PDIA5: variants seen among roughly 807,000 people sequenced by gnomAD.
PDIA5 encodes the protein protein disulfide-isomerase A5.
PDIA5 carries 58 observed loss-of-function variants against 77.6 expected under a neutral mutation model. That is an observed-to-expected ratio of 0.75 (90% CI 0.61 to 0.93). The LOEUF (loss-of-function observed/expected upper bound fraction) is 0.93, where lower values mean the gene tolerates loss of function less well. Among genes scored for constraint, PDIA5 ranks in the 40% least tolerant of loss-of-function variants. The probability of loss-of-function intolerance (pLI) is 0.00; values close to 1 mark genes in which losing one functional copy is unlikely to be tolerated. For missense variants in PDIA5, 630 were observed against 647.7 expected (o/e 0.97, Z 0.30); for synonymous variants, 250 against 252.1 (o/e 0.99, Z 0.08).
intron 6 of PDIA5, 94 bp from the exon 7 acceptor site, chr3:123,110,850 C>T: frequency 1.9e-6 from 2 of 1,031,610 alleles, no homozygotes; most frequent in Non-Finnish European, 3.1e-6. Flanking sequence ...CATCCCTACC[C>T]TTCACCCTGC....
At chr3:123,090,833 C>T (rs1934265971) in intron 2 of PDIA5, among the ~76,000 whole-genome samples, 1 of 152,160 alleles carries the variant, frequency 6.6e-6, no homozygotes, top group South Asian at 2.1e-4. Flanking sequence ...TGGTGCTTCC[C>T]ACTTGTCAGC....
chr3:123,151,979 TCCTTCCTG>T (rs1469045927), intron 14 of PDIA5, among the ~76,000 whole-genome samples: 2 of 120,190 alleles, frequency 1.7e-5, no homozygotes, highest in African/African-American at 8.9e-5. Context: ...CTTCCTGCCT[TCCTTCCTG>T]CCTTCCTGCC....
Position 123,146,083 on chromosome 3 carries a change from C to T in PDIA5, c.982-16C>T. On this transcript the variant is annotated splice_polypyrimidine_tract_variant and intron_variant, in intron 12 of 16. Transcript: ENST00000316218. The stretch of plus-strand genomic sequence containing the variant: ...TCTGAGGCTGTAATGCATGGTTGGC[C>T]TTTCCCCCATCCCAGAGCTCTGGTG... 2 of 1,613,292 alleles carry T rather than the reference C, an allele frequency of 1.2e-6. No individual in the cohort carries two copies. The highest frequency in any genetic ancestry group is 1.7e-6 in the Non-Finnish European group (2 of 1,179,502).
intron 6 of PDIA5, among the ~76,000 whole-genome samples, chr3:123,110,556 T>G (rs1934836225): frequency 1.3e-5 from 2 of 152,104 alleles, no homozygotes; most frequent in Admixed American, 1.3e-4. Flanking sequence ...GGCAGCCTAT[T>G]CAACAGCCTC....
chr3:123,078,229 CGCAAT>C (rs1933907074), intron 1 of PDIA5, among the ~76,000 whole-genome samples: 1 of 152,172 alleles, frequency 6.6e-6, no homozygotes, highest in Non-Finnish European at 1.5e-5. Context: ...AACCAAACCA[CGCAAT>C]GTCACATGAA....
chr3:123,118,776 A>G (rs1157086462), intron 8 of PDIA5, among the ~76,000 whole-genome samples: 2 of 152,206 alleles, frequency 1.3e-5, no homozygotes, highest in African/African-American at 4.8e-5. Context: ...ATGCCGATGA[A>G]TGAATAGGGT....
At chr3:123,085,919 C>T (rs1934126057) in intron 1 of PDIA5, among the ~76,000 whole-genome samples, 3 of 152,104 alleles carry the variant, frequency 2.0e-5, no homozygotes, top group South Asian at 2.1e-4. Flanking sequence ...GTCTGAAGTC[C>T]GTTAGCTCCC....
At chr3:123,117,931 A>G (rs1444841491) in intron 8 of PDIA5, among the ~76,000 whole-genome samples, 1 of 152,210 alleles carries the variant, frequency 6.6e-6, no homozygotes, top group African/African-American at 2.4e-5. Flanking sequence ...AAATCCATCC[A>G]TCTTTCATGA....
Position 123,067,154 on chromosome 3 carries a change from G to A in PDIA5, c.-11G>A. The A allele has an allele frequency of 8.0e-7, 1 of 1,246,856 alleles. No individual in the cohort carries two copies. Among genetic ancestry groups the A allele is most frequent in the Non-Finnish European group, 1.0e-6 (1 of 991,388 alleles). 77.2% of individuals were successfully genotyped at this position (1,246,856 alleles called of 1,614,324 possible). On this transcript the variant is annotated 5_prime_UTR_variant, in exon 1 of 17. Coordinates refer to ENST00000316218, the MANE Select transcript of PDIA5 (RefSeq NM_006810.4). ...TGGAGAAAGGAGCCAGCGGTGGGCA[G>A]CGCTGCTGGGATGGCGCGGGCCGGG...
intron 7 of PDIA5, 91 bp downstream of exon 7, chr3:123,111,095 AT>A: frequency 1.1e-6 from 1 of 874,534 alleles, no homozygotes; most frequent in Non-Finnish European, 1.9e-6. Context: ...GGTCTGGGGG[AT>A]TAGCCTGGGT....
At chr3:123,088,320 T>A (rs1934194126) in intron 1 of PDIA5, among the ~76,000 whole-genome samples, 1 of 152,068 alleles carries the variant, frequency 6.6e-6, no homozygotes, top group African/African-American at 2.4e-5. Context: ...GTTCCCGAAG[T>A]TTTCCAGGGT....
At chr3:123,128,992 T>C (rs1359349141) in intron 10 of PDIA5, among the ~76,000 whole-genome samples, 1 of 152,228 alleles carries the variant, frequency 6.6e-6, no homozygotes, top group Non-Finnish European at 1.5e-5. Flanking sequence ...AACATCATTC[T>C]TTGCAGTGCT....
intron 7 of PDIA5, among the ~76,000 whole-genome samples, chr3:123,112,345 T>C (rs1288266958): frequency 6.6e-6 from 1 of 151,258 alleles, no homozygotes; most frequent in African/African-American, 2.4e-5. Flanking sequence ...CAAACCAGAG[T>C]TCTGTTTGCT....
chr3:123,145,724 C>A, intron 12 of PDIA5, 132 bp downstream of exon 12: 1 of 703,798 alleles, frequency 1.4e-6, no homozygotes, highest in Admixed American at 2.3e-5. Context: ...CCTCTGTGTG[C>A]CCAAGTAGAA....
chr3:123,070,038 T>G (rs1486132516), intron 1 of PDIA5, among the ~76,000 whole-genome samples: 1 of 147,700 alleles, frequency 6.8e-6, no homozygotes, highest in African/African-American at 2.5e-5. Flanking sequence ...TGCAGTGGGC[T>G]GAGATCGCGC....
intron 10 of PDIA5, among the ~76,000 whole-genome samples, chr3:123,124,673 A>G (rs903714726): frequency 6.6e-6 from 1 of 152,198 alleles, no homozygotes; most frequent in Non-Finnish European, 1.5e-5. Context: ...CTCTTCTGGA[A>G]TAGTCAGGGC....
In PDIA5 at chr3:123,102,469, A is replaced by G. The variant is rs551773015; in HGVS notation, c.316A>G (p.Lys106Glu). 29 of 1,613,674 alleles carry G rather than the reference A, an allele frequency of 1.8e-5. No individual in the cohort carries two copies. The South Asian group carries it at 3.0e-4, about 16-fold the overall frequency. Reference protein sequence around the residue: ...KMKVDLSPKDKKVELFHYQDG... With the variant: ...KMKVDLSPKDEKVELFHYQDG... ...GAAAGTTGACCTGAGCCCGAAGGAC[A>G]AAAAGGTTGAATTATTCCATTACCA... is the stretch of plus-strand genomic sequence containing the variant. The change falls in exon 4 of 17, where the codon AAA becomes GAA. Residue 106 changes from lysine (K) to glutamate (E), a missense_variant. Coordinates refer to ENST00000316218, the MANE Select transcript of PDIA5 (RefSeq NM_006810.4).
At chr3:123,133,913 G>A (rs1368998497) in intron 11 of PDIA5, among the ~76,000 whole-genome samples, 2 of 152,208 alleles carry the variant, frequency 1.3e-5, no homozygotes, top group African/African-American at 4.8e-5. Flanking sequence ...AAATTAAAAT[G>A]CTTCCTGATA....
In PDIA5 at chr3:123,106,849, A is replaced by G; in HGVS notation, c.480+8A>G. The stretch of plus-strand genomic sequence containing the variant: ...CACCTTGACAGTGAAAAGGTAATGT[A>G]TTCCCCGTCAGTTCTGATGGATGCT... On this transcript the variant is annotated splice_region_variant and intron_variant, in intron 6 of 16. Transcript: ENST00000316218. 6 of 1,588,394 alleles carry G rather than the reference A, an allele frequency of 3.8e-6. No homozygotes were observed. Among genetic ancestry groups the G allele is most frequent in the Non-Finnish European group, 5.2e-6 (6 of 1,158,610 alleles).
Sources: gnomAD v4.1 joint callset for allele counts (sites outside exome capture counted in the v4.1 genomes callset) on GRCh38, gnomAD v4.1.1 for gene constraint, MANE v1.5 for transcripts, NCBI Gene and HGNC (gene_info 2026-07-23, HGNC 2026-07-21) for gene names.